PEX1: variants seen among roughly 807,000 people sequenced by gnomAD.
PEX1 encodes peroxisomal biogenesis factor 1, also known as peroxisomal ATPase PEX1.
Under a neutral mutation model 152.5 loss-of-function variants are expected in PEX1, and 97 were observed. The ratio of observed to expected loss-of-function variants is 0.64; its 90% CI spans 0.54 to 0.75. The LOEUF is 0.75. Among genes scored for constraint, PEX1 ranks in the 30% least tolerant of loss-of-function variants. The pLI, the probability that PEX1 is intolerant of heterozygous loss-of-function variation, is 0.00. For synonymous variants in PEX1, 485 were observed against 531.6 expected (o/e 0.91, Z 1.21); for missense variants, 1,357 against 1,516.3 (o/e 0.89, Z 1.74).
At chr7:92,521,951 G>A (rs1398099668) in intron 2 of PEX1, 151 bp downstream of exon 2, 3 of 724,422 alleles carry the variant, frequency 4.1e-6, no homozygotes, top group African/African-American at 3.6e-5. Flanking sequence ...ACAGAGTATA[G>A]TCAGCTTCAA....
In PEX1 at chr7:92,521,038, G is replaced by A. The variant is rs575026347; in HGVS notation, c.273+1064C>T. 7.2e-5 allele frequency among the ~76,000 whole-genome samples: 11 copies of A among 152,204 alleles called. No homozygotes were observed. The South Asian group carries it at 2.3e-3, about 32-fold the overall frequency. On this transcript the variant is annotated intron_variant, in intron 2 of 23. Coordinates refer to ENST00000248633, the MANE Select transcript of PEX1 (RefSeq NM_000466.3). ...CCCGGGCTGGAGTGCATAATCATAG[G>A]TCACTCAAATTCCTGGTCTCAAGCA...
intron 8 of PEX1, 96 bp from the exon 9 acceptor site, chr7:92,509,507 AC>A: frequency 1.3e-6 from 1 of 793,014 alleles, no homozygotes; most frequent in Non-Finnish European, 2.2e-6. Context: ...ATTCTGTTAT[AC>A]CAGAGAGAAT....
At chr7:92,509,923 C>T (rs541534403) in intron 8 of PEX1, among the ~76,000 whole-genome samples, 18 of 152,196 alleles carry the variant, frequency 1.2e-4, no homozygotes, top group African/African-American at 4.3e-4. Flanking sequence ...GAGGGCAGAT[C>T]ACTTGAGGTC....
chr7:92,523,571 G>A (rs1316928125), intron 1 of PEX1, among the ~76,000 whole-genome samples: 2 of 151,630 alleles, frequency 1.3e-5, no homozygotes, highest in South Asian at 2.1e-4. Context: ...CTCCCACCTC[G>A]GCCTCCCAAA....
intron 16 of PEX1, 25 bp downstream of exon 16, chr7:92,499,679 A>C (rs375138059): frequency 7.7e-5 from 122 of 1,590,996 alleles, no homozygotes; most frequent in Middle Eastern, 3.3e-4. Context: ...CCTAAATAAA[A>C]AAAGAAGATA....
Position 92,489,403 on chromosome 7 carries a change from T to G in PEX1, c.3657A>C (p.Gln1219His). ...SQSGEDESMN[Q>H]PGPIKTRLAI... ...CCAGTCTGGTTTTGATTGGTCCTGG[T>G]TGGTTCATGGATTCGTCCTCCTTAA... is the stretch of plus-strand genomic sequence containing the variant. The change falls in exon 23 of 24, where the codon CAA becomes CAC. Residue 1219 changes from glutamine to histidine, a missense_variant. Gln to His is a conservative substitution (Grantham distance 24). Coordinates refer to ENST00000248633, the MANE Select transcript of PEX1 (RefSeq NM_000466.3). The G allele has an allele frequency of 6.2e-7, 1 of 1,613,214 alleles. No individual in the cohort carries two copies. The highest frequency in any genetic ancestry group is 8.5e-7 in the Non-Finnish European group (1 of 1,179,280).
At chr7:92,488,752 C>G (rs1426369586) in intron 23 of PEX1, among the ~76,000 whole-genome samples, 1 of 141,204 alleles carries the variant, frequency 7.1e-6, no homozygotes, top group Non-Finnish European at 1.5e-5. Context: ...TTTTTTGAGA[C>G]ACAGTCTCGC....
At chr7:92,526,740 TA>T (rs926968722) in intron 1 of PEX1, among the ~76,000 whole-genome samples, 1 of 152,080 alleles carries the variant, frequency 6.6e-6, no homozygotes, top group Non-Finnish European at 1.5e-5. Context: ...ATAATAACAT[TA>T]AATAAAAACA....
rs1562842787 is a variant in PEX1, at chr7:92,489,861, T to A, written c.3489A>T (p.Gly1163=). The change falls in exon 22 of 24, where the codon GGA becomes GGT. Residue 1163 remains glycine, a synonymous_variant. Transcript: ENST00000248633. The stretch of plus-strand genomic sequence containing the variant: ...AAAACAACTGGTCTTTCCCAGGAAC[T>A]CCAGGCAAATCCTGAGTCATGGAGC... ...APSSMTQDLP[G]VPGKDQLFSQ... The A allele has an allele frequency of 3.7e-6, 6 of 1,614,068 alleles. No individual in the cohort carries two copies. Among genetic ancestry groups the A allele is most frequent in the Non-Finnish European group, 5.1e-6 (6 of 1,180,002 alleles).
chr7:92,492,245 G>A (rs927301195), intron 20 of PEX1, among the ~76,000 whole-genome samples: 3 of 152,086 alleles, frequency 2.0e-5, no homozygotes, highest in African/African-American at 4.8e-5. Context: ...TTACTCAAGC[G>A]ATCCTCCTGC....
At chr7:92,508,044 C>A (rs1193013378) in intron 9 of PEX1, among the ~76,000 whole-genome samples, 1 of 152,176 alleles carries the variant, frequency 6.6e-6, no homozygotes, top group South Asian at 2.1e-4. Context: ...TAAAAAAACA[C>A]CTCTAGCCCC....
At chr7:92,525,939 G>C (rs1479187665) in intron 1 of PEX1, among the ~76,000 whole-genome samples, 8 of 152,206 alleles carry the variant, frequency 5.3e-5, no homozygotes, top group Admixed American at 5.2e-4. Flanking sequence ...AATTTGTATG[G>C]AAGGAAGAAA....
At chr7:92,511,142 T>C (rs1585243961) in intron 7 of PEX1, 95 bp from the exon 8 acceptor site, 1 of 167,576 alleles carries the variant, frequency 6.0e-6, no homozygotes, top group Non-Finnish European at 1.1e-5. Flanking sequence ...AGTTAAAGAC[T>C]TTTTTTTTTT....
In PEX1 at chr7:92,501,491, C is replaced by G. The variant is rs757827503; in HGVS notation, c.2583+16G>C. On this transcript the variant is annotated intron_variant, in intron 15 of 23. Transcript: ENST00000248633. ...TTCTGGGAGTAAGTATTCACTTTTT[C>G]TTTTTTTAAACATACCTTGGCAGGT... 1 of 1,607,620 alleles carries G rather than the reference C, an allele frequency of 6.2e-7. No homozygotes were observed. Among genetic ancestry groups the G allele is most frequent in the Admixed American group, 1.7e-5 (1 of 59,978 alleles).
chr7:92,521,311 A>G (rs1793038879), intron 2 of PEX1, among the ~76,000 whole-genome samples: 1 of 152,240 alleles, frequency 6.6e-6, no homozygotes, highest in Non-Finnish European at 1.5e-5. Context: ...GAATAACTTG[A>G]TAAACATAAG....
Position 92,515,101 on chromosome 7 carries a change from A to C in PEX1, c.1240-1134T>G, listed in dbSNP as rs1468105426. Among the ~76,000 whole-genome samples, 45 of 31,666 alleles carry C rather than the reference A, an allele frequency of 1.4e-3. 3 individuals carry two copies. The highest frequency in any genetic ancestry group is 2.3e-3 in the African/African-American group (18 of 7,710). 20.8% of individuals were successfully genotyped at this position (31,666 alleles called of 152,430 possible). On this transcript the variant is annotated intron_variant, in intron 5 of 23. Coordinates refer to ENST00000248633, the MANE Select transcript of PEX1 (RefSeq NM_000466.3). ...TATATATATATATATATATATATAT[A>C]TATATATATATATATATATATCAAT... is the stretch of plus-strand genomic sequence containing the variant.
chr7:92,517,623 A>G lies in PEX1; in HGVS notation c.892T>C (p.Tyr298His). 2 of 1,614,090 alleles carry G rather than the reference A, an allele frequency of 1.2e-6. No homozygotes were observed. The highest frequency in any genetic ancestry group is 1.7e-6 in the Non-Finnish European group (2 of 1,180,006). The change falls in exon 5 of 24, where the codon TAT becomes CAT. Residue 298 changes from tyrosine (Y) to histidine (H), a missense_variant. By Grantham distance (83) the Tyr-to-His change is moderately conservative (BLOSUM62 2). Coordinates refer to ENST00000248633, the MANE Select transcript of PEX1 (RefSeq NM_000466.3). ...RVCKSQPPSI[Y>H]NASATSVFHK... ...AAAACAGAGGTTGCTGACGCGTTATATATACTAGGAGGTTGAGATTTGCAT... is the reference window on the plus strand; with the variant it reads ...AAAACAGAGGTTGCTGACGCGTTATGTATACTAGGAGGTTGAGATTTGCAT...
chr7:92,515,725 G>T (rs1037946682), intron 5 of PEX1, among the ~76,000 whole-genome samples: 1 of 152,184 alleles, frequency 6.6e-6, no homozygotes, highest in Non-Finnish European at 1.5e-5. Flanking sequence ...CAGGCACAGT[G>T]GCTCACGCCT....
In PEX1 at chr7:92,528,479, A is replaced by G. The variant is rs1168069356; in HGVS notation, c.-44T>C. On this transcript the variant is annotated 5_prime_UTR_variant, in exon 1 of 24. Coordinates refer to ENST00000248633, the MANE Select transcript of PEX1 (RefSeq NM_000466.3). Reference sequence around the variant, plus strand: ...TGGGTTCGCCCACCCTAGCGCCGCAAAGGACCCGGGACCCGGCAGGCCGAG... The same window carrying G: ...TGGGTTCGCCCACCCTAGCGCCGCAGAGGACCCGGGACCCGGCAGGCCGAG... 2.0e-6 allele frequency: 3 copies of G among 1,533,560 alleles called. No homozygotes were observed. In the South Asian group the frequency reaches 3.6e-5, roughly 18 times the overall value. 95.0% of individuals were successfully genotyped at this position (1,533,560 alleles called of 1,614,324 possible).
Sources: gnomAD v4.1 joint callset for allele counts (sites outside exome capture counted in the v4.1 genomes callset) on GRCh38, gnomAD v4.1.1 for gene constraint, MANE v1.5 for transcripts, NCBI Gene and HGNC (gene_info 2026-07-23, HGNC 2026-07-21) for gene names.